Variants in PAG1 observed in about 807,000 individuals in gnomAD.
PAG1 encodes phosphoprotein associated with glycosphingolipid-enriched microdomains 1.
A neutral mutation model predicts 31.7 loss-of-function variants in PAG1; 23 were observed. The ratio of observed to expected loss-of-function variants is 0.73; its 90% CI spans 0.52 to 1.03. The LOEUF (loss-of-function observed/expected upper bound fraction) is 1.03. Ranked by LOEUF, PAG1 falls within the 50% of genes least tolerant of loss-of-function variation. PAG1 has a pLI of 0.00. For synonymous variants in PAG1, 214 were observed against 210.3 expected (o/e 1.02, Z -0.15); for missense variants, 473 against 540.7 (o/e 0.87, Z 1.24).
chr8:81,033,457 T>C (rs897685012), intron 2 of PAG1, among the ~76,000 whole-genome samples: 2 of 152,224 alleles, frequency 1.3e-5, no homozygotes, highest in African/African-American at 2.4e-5. Context: ...CAAATGATTA[T>C]TGACCCAATC....
At chr8:81,095,554 C>A (rs190394690) in intron 1 of PAG1, among the ~76,000 whole-genome samples, 44 of 152,274 alleles carry the variant, frequency 2.9e-4, no homozygotes, top group African/African-American at 1.0e-3. Context: ...CTCAGGGGGA[C>A]CCTCCCTAGC....
At position 80,990,366 on chromosome 8, in the gene PAG1, C is replaced by T. The variant is rs367612119; in HGVS notation, c.177+1113G>A. On this transcript the variant is annotated intron_variant, in intron 5 of 8. Coordinates refer to ENST00000220597, the MANE Select transcript of PAG1 (RefSeq NM_018440.4). This position sits in a 1 kb window ranked among gnomAD's most constrained non-coding sequence, Gnocchi z 5.1. ...AGATGCCCCTGGTCATCTCTGCAAA[C>T]GTCTGCTGGCTGCGGGTTTTACGCC... Among the ~76,000 whole-genome samples, 6 of 152,252 alleles carry T rather than the reference C, an allele frequency of 3.9e-5. No homozygotes were observed. Among genetic ancestry groups the T allele is most frequent in the Admixed American group, 2.0e-4 (3 of 15,292 alleles).
intron 1 of PAG1, among the ~76,000 whole-genome samples, chr8:81,083,126 G>A (rs1159574468): frequency 1.3e-5 from 2 of 152,168 alleles, no homozygotes; most frequent in South Asian, 2.1e-4. Flanking sequence ...TACTGGGGTA[G>A]AATCAGGTTC....
At chr8:81,092,355 G>C (rs532513597) in intron 1 of PAG1, among the ~76,000 whole-genome samples, 1 of 152,174 alleles carries the variant, frequency 6.6e-6, no homozygotes, top group Non-Finnish European at 1.5e-5. Flanking sequence ...CTGCAGTCCA[G>C]TGCAGGTGAC....
At chr8:81,032,884 C>T (rs1048632583) in intron 2 of PAG1, among the ~76,000 whole-genome samples, 1 of 152,034 alleles carries the variant, frequency 6.6e-6, no homozygotes. Flanking sequence ...TAGTATTCAG[C>T]CATAAAATAG....
chr8:81,016,170 G>A (rs1019634899), intron 3 of PAG1, among the ~76,000 whole-genome samples: 3 of 152,142 alleles, frequency 2.0e-5, no homozygotes, highest in Admixed American at 1.3e-4. Flanking sequence ...ACCTAAGATG[G>A]CCCAAACTAT....
At chr8:81,009,503 C>T (rs987325180) in intron 3 of PAG1, among the ~76,000 whole-genome samples, 9 of 152,138 alleles carry the variant, frequency 5.9e-5, no homozygotes, top group African/African-American at 2.2e-4. Context: ...AAGTATTACC[C>T]AGATGATAAG....
chr8:81,013,508 A>G (rs2130686728), intron 3 of PAG1, among the ~76,000 whole-genome samples: 1 of 152,296 alleles, frequency 6.6e-6, no homozygotes, highest in Admixed American at 6.5e-5. Flanking sequence ...TAGTTGGCCA[A>G]GGTCAAATCC....
chr8:81,057,472 A>G (rs1808844433), intron 2 of PAG1, among the ~76,000 whole-genome samples: 1 of 151,708 alleles, frequency 6.6e-6, no homozygotes, highest in South Asian at 2.1e-4. Flanking sequence ...CCACAAGGAC[A>G]AAAAACCAAA....
chr8:80,998,024 AG>A (rs776452765), intron 3 of PAG1, among the ~76,000 whole-genome samples: 2 of 152,192 alleles, frequency 1.3e-5, no homozygotes, highest in Non-Finnish European at 2.9e-5. Flanking sequence ...TTGGACTAAA[AG>A]GTCCATACTC....
intron 2 of PAG1, among the ~76,000 whole-genome samples, chr8:81,042,813 G>T (rs1411766568): frequency 6.6e-6 from 1 of 152,076 alleles, no homozygotes; most frequent in Non-Finnish European, 1.5e-5. Context: ...GTAATTTGTG[G>T]ATCACTAGGG....
rs117275622 is a variant in PAG1, at chr8:81,037,478, C to T, written c.-174-7389G>A. Among the ~76,000 whole-genome samples the T allele has an allele frequency of 1.4e-3, 219 of 152,102 alleles. 4 individuals are homozygous for T. In the East Asian group the frequency reaches 0.035, roughly 24 times the overall value. On this transcript the variant is annotated intron_variant, in intron 2 of 8. Transcript: ENST00000220597. ...ATCAGCAGAGAAGTAATCAAATGACCGAAGTGTTCAAAACAGGAAAAGAAA... is the reference window on the plus strand; with the variant it reads ...ATCAGCAGAGAAGTAATCAAATGACTGAAGTGTTCAAAACAGGAAAAGAAA...
At position 81,064,122 on chromosome 8, in the gene PAG1, G is replaced by A. The variant is rs60798281; in HGVS notation, c.-175+5990C>T. On this transcript the variant is annotated intron_variant, in intron 2 of 8. Transcript: ENST00000220597. ...TTCCACACCGGGGTTGACTTGGGGAGCCAAGAGGACCTCTAAAGCAGTGGT... is the reference window on the plus strand; with the variant it reads ...TTCCACACCGGGGTTGACTTGGGGAACCAAGAGGACCTCTAAAGCAGTGGT... Among the ~76,000 whole-genome samples the A allele has an allele frequency of 3.3e-5, 5 of 152,324 alleles. No individual in the cohort carries two copies. In the East Asian group the frequency reaches 9.6e-4, roughly 29 times the overall value.
intron 3 of PAG1, among the ~76,000 whole-genome samples, chr8:81,019,389 A>T (rs1433099393): frequency 2.6e-5 from 4 of 152,218 alleles, no homozygotes; most frequent in Non-Finnish European, 5.9e-5. Flanking sequence ...AGCCCCTCCC[A>T]TCACAGGCCT....
chr8:81,089,557 G>C (rs1263819936), intron 1 of PAG1, among the ~76,000 whole-genome samples: 1 of 144,648 alleles, frequency 6.9e-6, no homozygotes, highest in Non-Finnish European at 1.5e-5. Context: ...GACAGAGCGA[G>C]ACTCCGTCTC....
chr8:80,992,462 T>C (rs2130502842), intron 4 of PAG1, among the ~76,000 whole-genome samples: 1 of 152,338 alleles, frequency 6.6e-6, no homozygotes, highest in East Asian at 1.9e-4. Flanking sequence ...ATGTGCTTTG[T>C]AACAGTTCCA....
chr8:81,059,712 C>T (rs1181793396), intron 2 of PAG1, among the ~76,000 whole-genome samples: 1 of 152,208 alleles, frequency 6.6e-6, no homozygotes, highest in African/African-American at 2.4e-5. Context: ...CTAAAGCACA[C>T]TTATCTTGCT....
At chr8:81,068,116 C>T (rs141784720) in intron 2 of PAG1, among the ~76,000 whole-genome samples, 2,748 of 152,214 alleles carry the variant, frequency 0.018, 56 homozygotes, top group Non-Finnish European at 0.021. Context: ...AGGCTGGTCT[C>T]GAACTCCTGG....
At chr8:80,978,248 C>T (rs1052991722) in intron 8 of PAG1, among the ~76,000 whole-genome samples, 1 of 152,054 alleles carries the variant, frequency 6.6e-6, no homozygotes, top group Non-Finnish European at 1.5e-5. Context: ...ATCTGACTAT[C>T]CTAATGAATA....
Sources: allele counts gnomAD v4.1 joint callset (sites outside exome capture counted in the v4.1 genomes callset), GRCh38; gene constraint gnomAD v4.1.1; non-coding constraint Gnocchi (gnomAD v3.1); transcripts MANE v1.5; gene names NCBI Gene and HGNC (gene_info 2026-07-23, HGNC 2026-07-21).